The following MAPKAP1 variants were observed in gnomAD, a reference collection of about 807,000 sequenced individuals.
MAPKAP1 encodes MAPK associated protein 1, also known as target of rapamycin complex 2 subunit MAPKAP1.
In MAPKAP1, 20 loss-of-function variants were observed where a neutral mutation model predicts 65.7. That is an observed-to-expected ratio of 0.30 (90% CI 0.21 to 0.44). MAPKAP1 has a LOEUF of 0.44. Among genes scored for constraint, MAPKAP1 ranks in the 20% least tolerant of loss-of-function variants. The probability of loss-of-function intolerance (pLI) is 1.00; values close to 1 mark genes in which losing one functional copy is unlikely to be tolerated. For synonymous variants in MAPKAP1, 222 were observed against 244.3 expected, an observed-to-expected ratio of 0.91 and a Z score of 0.85; for missense variants, 423 against 648.0, an observed-to-expected ratio of 0.65 and a Z score of 3.77.
chr9:125,691,696 T>C (rs1835175956), intron 1 of MAPKAP1, among the ~76,000 whole-genome samples: 1 of 151,892 alleles, frequency 6.6e-6, no homozygotes, highest in Non-Finnish European at 1.5e-5. Context: ...AAAAAAAAAG[T>C]CAATCTTTGG....
rs1835784878 is a variant in MAPKAP1, at chr9:125,707,025, G to A, written c.-124C>T. ...TCGGCCCCGGGACACGTTCCTGAGG[G>A]GAGGGCCCGGCTCCCCCACGCCTCC... On this transcript the variant is annotated 5_prime_UTR_variant, in exon 1 of 12. Coordinates refer to ENST00000265960, the MANE Select transcript of MAPKAP1 (RefSeq NM_001006617.3). 7.6e-6 allele frequency: 3 copies of A among 397,348 alleles called. No homozygotes were observed. In the South Asian group the frequency reaches 4.0e-4, roughly 53 times the overall value. The allele number at this position is 397,348 out of a possible 1,614,324, so 24.6% of individuals were successfully genotyped here.
chr9:125,517,153 G>A lies in MAPKAP1; in HGVS notation c.959-10736C>T, dbSNP rs756802363. Reference sequence around the variant, plus strand: ...CAAAGCCTGTGCTCTTCACCACTCTGCTCTGCTGTATCCCATAAAGAACAG... The same window carrying A: ...CAAAGCCTGTGCTCTTCACCACTCTACTCTGCTGTATCCCATAAAGAACAG... On this transcript the variant is annotated intron_variant, in intron 7 of 11. Coordinates refer to ENST00000265960, the MANE Select transcript of MAPKAP1 (RefSeq NM_001006617.3). Among the ~76,000 whole-genome samples, 12 of 152,096 alleles carry A rather than the reference G, an allele frequency of 7.9e-5. No individual in the cohort carries two copies. In the South Asian group the frequency reaches 1.2e-3, roughly 16 times the overall value.
rs1853027524 is a variant in MAPKAP1, at chr9:125,453,229, G to C, written c.1346-8631C>G. Among the ~76,000 whole-genome samples the C allele has an allele frequency of 2.0e-5, 3 of 152,204 alleles. 1 individual carries two copies. The highest frequency in any genetic ancestry group is 7.2e-5 in the African/African-American group (3 of 41,442). The stretch of plus-strand genomic sequence containing the variant: ...GCAACACCAGGCCTGGCTAATTTTT[G>C]TATTTTTAGTAGAGACAATAGAGAT... On this transcript the variant is annotated intron_variant, in intron 10 of 11. Transcript: ENST00000265960.
chr9:125,598,449 T>C (rs1832203847), intron 4 of MAPKAP1, among the ~76,000 whole-genome samples: 1 of 152,184 alleles, frequency 6.6e-6, no homozygotes, highest in South Asian at 2.1e-4. Flanking sequence ...ATCACCAACC[T>C]TGGTTCCATT....
At chr9:125,459,856 G>GGAGAGGGAGAGGGAGAGA (rs1853410532) in intron 10 of MAPKAP1, among the ~76,000 whole-genome samples, 2 of 136,986 alleles carry the variant, frequency 1.5e-5, no homozygotes, top group African/African-American at 5.4e-5. Flanking sequence ...GAGACCGTGG[G>GGAGAGGGAGAGGGAGAGA]GAGAGGGAGA....
At chr9:125,537,145 G>A (rs1830096789) in intron 7 of MAPKAP1, among the ~76,000 whole-genome samples, 1 of 152,158 alleles carries the variant, frequency 6.6e-6, no homozygotes, top group African/African-American at 2.4e-5. Context: ...AAAAAAGCCT[G>A]GGCTCCAATT....
chr9:125,504,465 C>T (rs1248205438), intron 8 of MAPKAP1, among the ~76,000 whole-genome samples: 2 of 152,170 alleles, frequency 1.3e-5, no homozygotes, highest in East Asian at 3.9e-4. Flanking sequence ...AAGAGGCTGT[C>T]TGGGGCCCTA....
At chr9:125,556,332 A>C (rs962946017) in intron 6 of MAPKAP1, among the ~76,000 whole-genome samples, 1 of 152,238 alleles carries the variant, frequency 6.6e-6, no homozygotes, top group Non-Finnish European at 1.5e-5. Flanking sequence ...GCTGAATGTC[A>C]GCCTTAAGAC....
intron 1 of MAPKAP1, among the ~76,000 whole-genome samples, chr9:125,702,949 A>C (rs911962051): frequency 1.3e-5 from 2 of 152,180 alleles, no homozygotes; most frequent in African/African-American, 2.4e-5. Context: ...ACTTGAGCCC[A>C]GAATTCAAGG....
chr9:125,497,194 TG>T (rs985559607), intron 8 of MAPKAP1, among the ~76,000 whole-genome samples: 57 of 152,318 alleles, frequency 3.7e-4, no homozygotes, highest in African/African-American at 1.3e-3. Context: ...TCCACCCTCC[TG>T]CATGACTACC....
intron 8 of MAPKAP1, among the ~76,000 whole-genome samples, chr9:125,502,222 C>T (rs1052561214): frequency 3.3e-5 from 5 of 152,004 alleles, no homozygotes; most frequent in African/African-American, 9.7e-5. Flanking sequence ...CTGCCTCAGC[C>T]CCCCTAGCAG....
intron 5 of MAPKAP1, among the ~76,000 whole-genome samples, chr9:125,570,204 TA>T (rs1445748627): frequency 2.6e-5 from 4 of 152,026 alleles, no homozygotes; most frequent in Non-Finnish European, 5.9e-5. Flanking sequence ...TGTCCTAAAG[TA>T]AAATAACTGG....
chr9:125,693,792 T>TAC (rs1409063454), intron 1 of MAPKAP1, among the ~76,000 whole-genome samples: 1 of 145,936 alleles, frequency 6.9e-6, no homozygotes, highest in African/African-American at 2.7e-5. Flanking sequence ...CGTATATATA[T>TAC]ACACACATAT....
intron 4 of MAPKAP1, among the ~76,000 whole-genome samples, chr9:125,652,985 G>A (rs1047319292): frequency 2.0e-5 from 3 of 152,138 alleles, no homozygotes; most frequent in Admixed American, 6.5e-5. Flanking sequence ...GAAAGACATC[G>A]TCACTGCCCC....
At chr9:125,657,330 T>C (rs1025605575) in intron 4 of MAPKAP1, among the ~76,000 whole-genome samples, 10 of 151,890 alleles carry the variant, frequency 6.6e-5, no homozygotes, top group Non-Finnish European at 1.5e-4. Flanking sequence ...TATATACATA[T>C]ATATACACAC....
At chr9:125,577,412 A>AGCCT (rs1176577654) in intron 5 of MAPKAP1, among the ~76,000 whole-genome samples, 2 of 142,890 alleles carry the variant, frequency 1.4e-5, no homozygotes, top group African/African-American at 2.6e-5. Context: ...CCGCCTGGCC[A>AGCCT]GCCTCCCCGT....
intron 1 of MAPKAP1, among the ~76,000 whole-genome samples, chr9:125,674,240 T>A (rs1834580122): frequency 6.6e-6 from 1 of 152,028 alleles, no homozygotes; most frequent in Non-Finnish European, 1.5e-5. Flanking sequence ...ATACATGGCA[T>A]GTAATTAAAT....
chr9:125,511,164 CCATCATCATCAT>C (rs3051230), intron 7 of MAPKAP1, among the ~76,000 whole-genome samples: 1,907 of 147,054 alleles, frequency 0.013, 45 homozygotes, highest in African/African-American at 0.046. Context: ...ATCATCATCA[CCATCATCATCAT>C]CATCATCATC....
At chr9:125,698,478 T>C (rs1324797297) in intron 1 of MAPKAP1, among the ~76,000 whole-genome samples, 2 of 150,874 alleles carry the variant, frequency 1.3e-5, no homozygotes, top group African/African-American at 4.9e-5. Flanking sequence ...ACTGGGACTA[T>C]AGGCGTGTGT....
Sources: gnomAD v4.1 joint callset for allele counts (sites outside exome capture counted in the v4.1 genomes callset) on GRCh38, gnomAD v4.1.1 for gene constraint, MANE v1.5 for transcripts, NCBI Gene and HGNC (gene_info 2026-07-23, HGNC 2026-07-21) for gene names.